The following KAT6A variants were observed in gnomAD, a reference collection of about 807,000 sequenced individuals.
KAT6A encodes the protein lysine acetyltransferase 6A.
Under a neutral mutation model 198.4 loss-of-function variants are expected in KAT6A, and 9 were observed. The ratio of observed to expected loss-of-function variants is 0.05; its 90% CI spans 0.03 to 0.08. KAT6A has a LOEUF of 0.08. Among genes scored for constraint, KAT6A ranks in the 10% least tolerant of loss-of-function variants. The probability of loss-of-function intolerance (pLI) is 1.00; values close to 1 mark genes in which losing one functional copy is unlikely to be tolerated. For missense variants in KAT6A, 2,077 were observed against 2,509.9 expected, an observed-to-expected ratio of 0.83 and a Z score of 3.69; for synonymous variants, 890 against 883.0, an observed-to-expected ratio of 1.01 and a Z score of -0.14.
intron 13 of KAT6A, among the ~76,000 whole-genome samples, 197 bp downstream of exon 13, chr8:41,943,551 G>A (rs572417608): frequency 2.0e-5 from 3 of 151,884 alleles, no homozygotes; most frequent in Non-Finnish European, 4.4e-5. Flanking sequence ...AGTTTAAAAA[G>A]CATATATATA....
At chr8:41,984,716 C>T (rs1391695329) in intron 3 of KAT6A, among the ~76,000 whole-genome samples, 4 of 152,168 alleles carry the variant, frequency 2.6e-5, no homozygotes, top group South Asian at 2.1e-4. Flanking sequence ...CAGTGGTTCA[C>T]GCCTGTAATC....
intron 3 of KAT6A, among the ~76,000 whole-genome samples, chr8:41,983,913 T>C (rs1401798671): frequency 6.6e-6 from 1 of 152,250 alleles, no homozygotes; most frequent in Non-Finnish European, 1.5e-5. Context: ...ATTAGTTTTC[T>C]TTCATATAAA....
intron 2 of KAT6A, among the ~76,000 whole-genome samples, chr8:42,011,927 A>G (rs550140871): frequency 6.6e-6 from 1 of 152,156 alleles, no homozygotes; most frequent in African/African-American, 2.4e-5. Flanking sequence ...CAAAGAGGAA[A>G]TCCAACCCCC....
chr8:42,010,804 T>G lies in KAT6A; in HGVS notation c.601-23241A>C, dbSNP rs79990852. Among the ~76,000 whole-genome samples the G allele has an allele frequency of 4.1e-3, 623 of 152,340 alleles. 13 individuals carry two copies. The highest frequency in any genetic ancestry group is 0.033 in the Admixed American group (502 of 15,306). ...GCTCTACTATGTGCCCAACCATTCT[T>G]GACACCAGATTCTTCTTTGCTTCCC... On this transcript the variant is annotated intron_variant, in intron 2 of 16. Transcript: ENST00000265713.
chr8:41,950,508 T>A (rs1822612435), intron 9 of KAT6A, among the ~76,000 whole-genome samples: 2 of 152,224 alleles, frequency 1.3e-5, no homozygotes, highest in South Asian at 4.1e-4. Flanking sequence ...AAATTCTCAG[T>A]GAGCAATCTT....
intron 9 of KAT6A, among the ~76,000 whole-genome samples, chr8:41,952,042 T>C (rs1028513737): frequency 6.6e-6 from 1 of 152,206 alleles, no homozygotes; most frequent in Non-Finnish European, 1.5e-5. Flanking sequence ...TCTCACAGAA[T>C]TACACCAGAG....
At chr8:42,010,180 A>C (rs1030378162) in intron 2 of KAT6A, among the ~76,000 whole-genome samples, 1 of 151,970 alleles carries the variant, frequency 6.6e-6, no homozygotes, top group East Asian at 1.9e-4. Context: ...TCGCGCACGC[A>C]TGTAGTCCCA....
intron 2 of KAT6A, among the ~76,000 whole-genome samples, chr8:42,004,974 A>G (rs1298376038): frequency 1.3e-5 from 2 of 151,844 alleles, no homozygotes; most frequent in Non-Finnish European, 2.9e-5. Context: ...GGAATCATAC[A>G]GTCAGTAGCC....
chr8:41,951,447 G>C (rs1822664606), intron 9 of KAT6A, among the ~76,000 whole-genome samples: 1 of 152,140 alleles, frequency 6.6e-6, no homozygotes, highest in Admixed American at 6.5e-5. Context: ...GAAAGAACAT[G>C]AGACTACAGG....
intron 3 of KAT6A, 63 bp downstream of exon 3, chr8:41,987,392 C>A (rs1824668561): frequency 2.1e-6 from 2 of 933,502 alleles, no homozygotes; most frequent in African/African-American, 1.6e-5. Context: ...AAACTCAAGT[C>A]AACATACTTT....
chr8:41,940,725 T>C, intron 15 of KAT6A, 117 bp downstream of exon 15: 2 of 1,270,242 alleles, frequency 1.6e-6, no homozygotes, highest in Non-Finnish European at 2.2e-6. Context: ...TTAAGGTTTA[T>C]AAAGCAATGC....
chr8:41,969,444 C>A (rs1823667816), intron 8 of KAT6A, among the ~76,000 whole-genome samples: 1 of 152,146 alleles, frequency 6.6e-6, no homozygotes, highest in Admixed American at 6.6e-5. Flanking sequence ...CCTCAAGCTA[C>A]ACATAAAACT....
chr8:41,979,503 G>C (rs945800768), intron 5 of KAT6A, among the ~76,000 whole-genome samples: 2 of 151,382 alleles, frequency 1.3e-5, no homozygotes, highest in Non-Finnish European at 2.9e-5. Context: ...AGCCAGGCAT[G>C]GTGGCTCACG....
At chr8:41,992,132 T>A (rs1824978215) in intron 2 of KAT6A, among the ~76,000 whole-genome samples, 1 of 151,370 alleles carries the variant, frequency 6.6e-6, no homozygotes, top group South Asian at 2.1e-4. Flanking sequence ...GCCCAGGAAG[T>A]CAAGGCTGCG....
At chr8:41,974,371 TTAA>T (rs1823946440) in intron 8 of KAT6A, 1 of 167,726 alleles carries the variant, frequency 6.0e-6, no homozygotes, top group Non-Finnish European at 1.3e-5. Context: ...ACTTCTTGAA[TTAA>T]TAAATATAGG....
chr8:42,002,984 T>C (rs1375741841), intron 2 of KAT6A, among the ~76,000 whole-genome samples: 3 of 152,162 alleles, frequency 2.0e-5, no homozygotes, highest in Non-Finnish European at 4.4e-5. Flanking sequence ...TACCATCTAT[T>C]AAGCTGCTGT....
chr8:41,981,858 C>T lies in KAT6A; in HGVS notation c.806G>A (p.Arg269Gln), dbSNP rs769899629. Residue 269 changes from arginine (R) to glutamine (Q), a missense_variant, in exon 4 of 17, where the codon CGA (arginine) becomes CAA (glutamine). Transcript: ENST00000265713. ...CIECKTCSSC[R>Q]DQGKNADNML... The stretch of plus-strand genomic sequence containing the variant: ...ACTCACCGCATTTTTGCCTTGATCT[C>T]GACAGGAGCTGCATGTTTTACACTC... 4.7e-5 allele frequency: 76 copies of T among 1,613,032 alleles called. No individual in the cohort carries two copies. The highest frequency in any genetic ancestry group is 5.7e-5 in the Non-Finnish European group (67 of 1,179,262).
intron 8 of KAT6A, chr8:41,974,435 C>A: frequency 3.8e-6 from 1 of 260,444 alleles, no homozygotes; most frequent in Non-Finnish European, 7.2e-6. Flanking sequence ...TGGTCAAATC[C>A]CAAATTCTTC....
Position 41,977,107 on chromosome 8 carries a change from C to T in KAT6A, c.1264G>A (p.Asp422Asn), listed in dbSNP as rs768228918. Residue 422 changes from aspartate to asparagine, a missense_variant, in exon 7 of 17, where the codon GAT becomes AAT. Around this residue, in one of 13 missense-constraint regions of KAT6A, gnomAD observed 206 missense variants for 214.9 expected, o/e 0.96. Transcript: ENST00000265713. ...ACTTCCCCCCGAGCTTTCCGCCCAT[C>T]AGGGGAAGGGGTAAAAAATTTGGTA... ...GLTKFFTPSPDGRKARGEVVD... is the reference protein window; with the variant it reads ...GLTKFFTPSPNGRKARGEVVD... 6.2e-7 allele frequency: 1 copy of T among 1,614,186 alleles called. No homozygotes were observed. Among genetic ancestry groups the T allele is most frequent in the Non-Finnish European group, 8.5e-7 (1 of 1,180,022 alleles).
Sources: gnomAD v4.1 joint callset for allele counts (sites outside exome capture counted in the v4.1 genomes callset) on GRCh38, gnomAD v4.1.1 for gene constraint, gnomAD v4.1.1 regional missense constraint, MANE v1.5 for transcripts, NCBI Gene and HGNC (gene_info 2026-07-23, HGNC 2026-07-21) for gene names.